The following ZFAND3 variants were observed in gnomAD, a reference collection of about 807,000 sequenced individuals.
ZFAND3 encodes zinc finger AN1-type containing 3.
A neutral mutation model predicts 29.6 loss-of-function variants in ZFAND3; 10 were observed. That is an observed-to-expected ratio of 0.34 (90% confidence interval 0.21 to 0.57). The LOEUF (loss-of-function observed/expected upper bound fraction) is 0.57. Among genes scored for constraint, ZFAND3 ranks in the 20% least tolerant of loss-of-function variants. The pLI, the probability that ZFAND3 is intolerant of heterozygous loss-of-function variation, is 0.86. For missense variants in ZFAND3, 230 were observed against 304.5 expected, an observed-to-expected ratio of 0.76 and a Z score of 1.82; for synonymous variants, 128 against 112.6, an observed-to-expected ratio of 1.14 and a Z score of -0.87.
chr6:38,082,552 T>C (rs928483495), intron 4 of ZFAND3, 95 bp downstream of exon 4: 4 of 1,184,438 alleles, frequency 3.4e-6, no homozygotes, highest in Admixed American at 2.1e-5. Context: ...CAGGGTACTC[T>C]GATTTCTTCC....
intron 1 of ZFAND3, among the ~76,000 whole-genome samples, chr6:37,874,567 T>C (rs1400193748): frequency 1.3e-5 from 2 of 151,658 alleles, no homozygotes; most frequent in Non-Finnish European, 2.9e-5. Flanking sequence ...ACCAGTCATA[T>C]TGGATTAGGG....
At chr6:38,060,738 A>G (rs561658512) in intron 2 of ZFAND3, among the ~76,000 whole-genome samples, 2 of 152,266 alleles carry the variant, frequency 1.3e-5, no homozygotes, top group East Asian at 3.9e-4. Flanking sequence ...GGCGTGAGCT[A>G]CTGTGCCCTG....
At chr6:37,851,572 T>C (rs1311951084) in intron 1 of ZFAND3, among the ~76,000 whole-genome samples, 3 of 148,544 alleles carry the variant, frequency 2.0e-5, no homozygotes, top group Non-Finnish European at 4.5e-5. Flanking sequence ...TGTTCCCTAC[T>C]TACAGTATTC....
chr6:37,843,636 T>G (rs999719385), intron 1 of ZFAND3, among the ~76,000 whole-genome samples: 1 of 152,230 alleles, frequency 6.6e-6, no homozygotes, highest in Non-Finnish European at 1.5e-5. Context: ...TATTCCTGTT[T>G]AGAGACCAGT....
chr6:37,952,582 T>C (rs1762017038), intron 2 of ZFAND3, among the ~76,000 whole-genome samples: 1 of 152,162 alleles, frequency 6.6e-6, no homozygotes, highest in African/African-American at 2.4e-5. Context: ...TTGTGTTTAT[T>C]TGGATATTCT....
At chr6:37,832,404 G>A (rs953736722) in intron 1 of ZFAND3, among the ~76,000 whole-genome samples, 5 of 152,180 alleles carry the variant, frequency 3.3e-5, no homozygotes, top group African/African-American at 1.2e-4. Flanking sequence ...GGTCATTTGT[G>A]AATTCATCTA....
intron 2 of ZFAND3, among the ~76,000 whole-genome samples, chr6:37,946,135 A>G (rs1324535018): frequency 6.6e-6 from 1 of 152,170 alleles, no homozygotes; most frequent in Non-Finnish European, 1.5e-5. Flanking sequence ...AGAGTGAGAG[A>G]ATAATGGGGA....
At chr6:38,133,397 G>A (rs1396355231) in intron 5 of ZFAND3, among the ~76,000 whole-genome samples, 1 of 152,136 alleles carries the variant, frequency 6.6e-6, no homozygotes, top group African/African-American at 2.4e-5. Context: ...TAGCTTTATT[G>A]AACAGCTAGT....
At chr6:38,054,238 A>T (rs1386124138) in intron 2 of ZFAND3, among the ~76,000 whole-genome samples, 1 of 147,294 alleles carries the variant, frequency 6.8e-6, no homozygotes, top group African/African-American at 2.5e-5. Flanking sequence ...AAAAAAAAAA[A>T]TTTAAGGTAG....
At chr6:37,965,107 A>C (rs1762266661) in intron 2 of ZFAND3, among the ~76,000 whole-genome samples, 2 of 152,216 alleles carry the variant, frequency 1.3e-5, no homozygotes, top group Non-Finnish European at 2.9e-5. Context: ...AAGTACAATA[A>C]AAATAACTTG....
chr6:38,151,365 G>T (rs1001336686), intron 5 of ZFAND3, among the ~76,000 whole-genome samples: 1 of 152,194 alleles, frequency 6.6e-6, no homozygotes, highest in Non-Finnish European at 1.5e-5. Flanking sequence ...CTGCGCTTCT[G>T]GGAGGGAAAG....
At chr6:37,880,121 A>T (rs1764864457) in intron 1 of ZFAND3, among the ~76,000 whole-genome samples, 1 of 152,234 alleles carries the variant, frequency 6.6e-6, no homozygotes, top group African/African-American at 2.4e-5. Context: ...AGGTGAATGG[A>T]CAAAAAGCCA....
intron 2 of ZFAND3, among the ~76,000 whole-genome samples, chr6:38,048,792 A>G (rs1201605814): frequency 1.3e-5 from 2 of 152,020 alleles, no homozygotes; most frequent in Non-Finnish European, 2.9e-5. Flanking sequence ...GGATTCAAAC[A>G]GGTCTGTCTG....
chr6:38,006,665 T>TG (rs1388456840), intron 2 of ZFAND3, among the ~76,000 whole-genome samples: 1 of 150,880 alleles, frequency 6.6e-6, no homozygotes, highest in Non-Finnish European at 1.5e-5. Context: ...GTTTTTTTTT[T>TG]TTTTTTTTTT....
intron 4 of ZFAND3, among the ~76,000 whole-genome samples, chr6:38,110,827 T>C (rs2127482221): frequency 6.6e-6 from 1 of 152,310 alleles, no homozygotes; most frequent in East Asian, 1.9e-4. Flanking sequence ...TGTTGGCTTG[T>C]ACGGAGGCCT....
chr6:37,866,754 G>A (rs1581720263), intron 1 of ZFAND3, among the ~76,000 whole-genome samples: 1 of 118,140 alleles, frequency 8.5e-6, no homozygotes, highest in East Asian at 2.1e-4. Context: ...GTCACTTAAA[G>A]AAAAGAGGTT....
At chr6:38,149,194 A>G (rs1260045038) in intron 5 of ZFAND3, among the ~76,000 whole-genome samples, 6 of 151,972 alleles carry the variant, frequency 3.9e-5, no homozygotes. Flanking sequence ...GAATGCTTGA[A>G]GCCAGGAGTG....
chr6:38,072,054 C>G (rs980232571), intron 3 of ZFAND3, among the ~76,000 whole-genome samples: 3 of 152,156 alleles, frequency 2.0e-5, no homozygotes, highest in Non-Finnish European at 2.9e-5. Context: ...GGCAGTGTCC[C>G]TACCAGATTT....
At chr6:38,015,606 C>A (rs1763239633) in intron 2 of ZFAND3, among the ~76,000 whole-genome samples, 1 of 152,118 alleles carries the variant, frequency 6.6e-6, no homozygotes, top group Admixed American at 6.6e-5. Context: ...CACTATGCAG[C>A]TATTAGCAAG....
Sources: gnomAD v4.1 joint callset for allele counts (sites outside exome capture counted in the v4.1 genomes callset) on GRCh38, gnomAD v4.1.1 for gene constraint, MANE v1.5 for transcripts, NCBI Gene and HGNC (gene_info 2026-07-23, HGNC 2026-07-21) for gene names.